The following CEP290 variants were observed in gnomAD, a reference collection of about 807,000 sequenced individuals.
The protein encoded by CEP290 is centrosomal protein 290, also known as centrosomal protein of 290 kDa.
Under a neutral mutation model 344.9 loss-of-function variants are expected in CEP290, and 317 were observed. That is an observed-to-expected ratio of 0.92 (90% confidence interval 0.84 to 1.01). The LOEUF (loss-of-function observed/expected upper bound fraction) is 1.01, where lower values mean the gene tolerates loss of function less well. CEP290 is among the 50% of genes least tolerant of loss of function. CEP290 has a pLI of 0.00. For missense variants in CEP290, 2,754 were observed against 2,761.4 expected (o/e 1.00, Z 0.06); for synonymous variants, 932 against 895.8 (o/e 1.04, Z -0.72).
At chr12:88,085,941 A>G in intron 34 of CEP290, 98 bp downstream of exon 34, 1 of 1,100,322 alleles carries the variant, frequency 9.1e-7, no homozygotes, top group East Asian at 2.6e-5. Context: ...CAATAGATTC[A>G]TCATTCTATG....
rs1178720562 is a variant in CEP290, at chr12:88,084,872, A to G, written c.4438-20T>C. ...TAGTTTCTGCAATGATTAAATTATA[A>G]TAAATCATTAAAGTATCTTTTTCCC... is the stretch of plus-strand genomic sequence containing the variant. On this transcript the variant is annotated intron_variant, in intron 34 of 53. Transcript: ENST00000552810. 1 of 1,451,246 alleles carries G rather than the reference A, an allele frequency of 6.9e-7. No individual in the cohort carries two copies. The highest frequency in any genetic ancestry group is 2.5e-5 in the East Asian group (1 of 40,342). The allele number at this position is 1,451,246 out of a possible 1,614,324, so 89.9% of individuals were successfully genotyped here.
rs1050202680 is a variant in CEP290 at position 88,092,681 on chromosome 12, T to C, written c.3461A>G (p.Lys1154Arg). ...NEMELKVEVS[K>R]LREISDIARR... ...GGCTAAAATGCTTATATGCACTTAC[T>C]TTGACACTTCAACTTTTAGTTCCAT... The change falls in exon 29 of 54, where the codon AAA (lysine) becomes AGA (arginine). Residue 1154 changes from lysine (K) to arginine (R), a missense_variant and splice_region_variant. Lys to Arg is a conservative substitution (Grantham distance 26). Coordinates refer to ENST00000552810, the MANE Select transcript of CEP290 (RefSeq NM_025114.4). The C allele has an allele frequency of 6.2e-7, 1 of 1,608,054 alleles. No homozygotes were observed. The highest frequency in any genetic ancestry group is 1.3e-5 in the African/African-American group (1 of 74,718).
At chr12:88,092,855 G>C (rs375789222) in intron 28 of CEP290, 23 bp from the exon 29 acceptor site, 52 of 1,603,956 alleles carry the variant, frequency 3.2e-5, no homozygotes, top group Non-Finnish European at 4.2e-5. Flanking sequence ...AACAAAAAAT[G>C]TTCAGATACA....
At chr12:88,063,464 C>T (rs1351195011) in intron 45 of CEP290, among the ~76,000 whole-genome samples, 1 of 152,050 alleles carries the variant, frequency 6.6e-6, no homozygotes, top group African/African-American at 2.4e-5. Flanking sequence ...AAATATACCA[C>T]GCATCCTCCC....
chr12:88,141,440 T>A, intron 1 of CEP290, 106 bp from the exon 2 acceptor site: 1 of 525,164 alleles, frequency 1.9e-6, no homozygotes, highest in Non-Finnish European at 3.2e-6. Context: ...TTTCTGATGT[T>A]AGCAAAACAG....
At chr12:88,101,857 T>C (rs1170063889) in intron 26 of CEP290, among the ~76,000 whole-genome samples, 1 of 152,100 alleles carries the variant, frequency 6.6e-6, no homozygotes, top group Non-Finnish European at 1.5e-5. Context: ...TAATTTTCTA[T>C]AAAAAGTAAC....
chr12:88,109,964 T>C (rs1355723377), intron 22 of CEP290, among the ~76,000 whole-genome samples: 1 of 152,016 alleles, frequency 6.6e-6, no homozygotes, highest in Non-Finnish European at 1.5e-5. Flanking sequence ...AAAATAATAA[T>C]ATCACATACA....
intron 22 of CEP290, among the ~76,000 whole-genome samples, 171 bp from the exon 23 acceptor site, chr12:88,109,352 C>A (rs1168439022): frequency 1.3e-5 from 2 of 152,108 alleles, no homozygotes; most frequent in South Asian, 2.1e-4. Flanking sequence ...TAGTTTAAGG[C>A]ATAAAAAAAG....
Position 88,130,269 on chromosome 12 carries a change from T to C in CEP290, c.668A>G (p.Gln223Arg). Reference protein sequence around the residue: ...YELIQYLDEIQTLTEANEKIE... With the variant: ...YELIQYLDEIRTLTEANEKIE... ...TGAATTGACTTCTAGCCATTTTACC[T>C]GAATTTCATCAAGATATTGGATAAG... Residue 223 changes from glutamine (Q) to arginine (R), a missense_variant and splice_region_variant, in exon 9 of 54, where the codon CAG becomes CGG. Physicochemically the swap from Gln to Arg is conservative, Grantham distance 43 (BLOSUM62 1). Coordinates refer to ENST00000552810, the MANE Select transcript of CEP290 (RefSeq NM_025114.4). 1 of 1,596,810 alleles carries C rather than the reference T, an allele frequency of 6.3e-7. No individual in the cohort carries two copies. Among genetic ancestry groups the C allele is most frequent in the Non-Finnish European group, 8.5e-7 (1 of 1,175,434 alleles).
intron 3 of CEP290, among the ~76,000 whole-genome samples, 167 bp from the exon 4 acceptor site, chr12:88,139,731 GT>G (rs1006908440): frequency 1.3e-5 from 2 of 151,802 alleles, no homozygotes; most frequent in Non-Finnish European, 2.9e-5. Flanking sequence ...TTTTGTTTTT[GT>G]TTTTTTTGCT....
intron 6 of CEP290, among the ~76,000 whole-genome samples, chr12:88,134,341 A>T (rs1565921979): frequency 1.3e-5 from 2 of 152,200 alleles, no homozygotes; most frequent in South Asian, 4.1e-4. Flanking sequence ...TTTCTCAGGC[A>T]AATGCCATCA....
intron 44 of CEP290, 116 bp downstream of exon 44, chr12:88,068,406 A>G (rs2035102013): frequency 8.2e-6 from 5 of 609,942 alleles, no homozygotes; most frequent in Non-Finnish European, 1.3e-5. Flanking sequence ...AATTTACTGT[A>G]TTACTATTAA....
intron 26 of CEP290, among the ~76,000 whole-genome samples, chr12:88,099,700 T>C (rs183833471): frequency 1.3e-5 from 2 of 152,198 alleles, no homozygotes; most frequent in Non-Finnish European, 2.9e-5. Context: ...TAATAATATA[T>C]TTTTTAAGTA....
chr12:88,078,023 G>C, intron 39 of CEP290, 105 bp from the exon 40 acceptor site: 1 of 422,878 alleles, frequency 2.4e-6, no homozygotes, highest in Non-Finnish European at 4.1e-6. Context: ...AATTCAGTCT[G>C]AATTTTTAAG....
In CEP290 at chr12:88,059,971, T is replaced by C. The variant is rs368428115; in HGVS notation, c.6572A>G (p.His2191Arg). The change falls in exon 48 of 54, where the codon CAC becomes CGC. Residue 2191 changes from histidine to arginine, a missense_variant. By Grantham distance (29) the His-to-Arg change is conservative. Transcript: ENST00000552810. ...TGTGCCTTTGGTCTTGGATTCATAGTGCATGCTCAACTGATGCCCAAGATG... is the reference window on the plus strand; with the variant it reads ...TGTGCCTTTGGTCTTGGATTCATAGCGCATGCTCAACTGATGCCCAAGATG... ...KAHLGHQLSM[H>R]YESKTKGTEK... is the part of the protein sequence containing the mutation. 2 of 1,587,194 alleles carry C rather than the reference T, an allele frequency of 1.3e-6. No individual in the cohort carries two copies. Among genetic ancestry groups the C allele is most frequent in the Non-Finnish European group, 1.7e-6 (2 of 1,166,560 alleles).
chr12:88,076,273 A>C (rs1242788069), intron 41 of CEP290, among the ~76,000 whole-genome samples: 1 of 152,182 alleles, frequency 6.6e-6, no homozygotes, highest in Non-Finnish European at 1.5e-5. Flanking sequence ...CACTGACATT[A>C]ATGAATTTTC....
chr12:88,139,606 G>T, intron 3 of CEP290, 42 bp from the exon 4 acceptor site: 1 of 1,350,430 alleles, frequency 7.4e-7, no homozygotes, highest in Non-Finnish European at 9.8e-7. Flanking sequence ...CCTTTATACT[G>T]GAATGTAAGC....
intron 52 of CEP290, among the ~76,000 whole-genome samples, chr12:88,052,628 CATATATAT>C (rs920379363): frequency 6.6e-6 from 1 of 151,304 alleles, no homozygotes; most frequent in African/African-American, 2.5e-5. Flanking sequence ...TACAGACATG[CATATATAT>C]ACATACACGC....
Position 88,141,271 on chromosome 12 carries a change from C to A in CEP290, c.37G>T (p.Val13Phe). ...TGACGGGGCAGGTCATCTGGGTCAA[C>A]TTTCATTATTTCTTTCCAGTTTATA... ...PNINWKEIMK[V>F]DPDDLPRQEE... The change falls in exon 2 of 54, where the codon GTT becomes TTT. Residue 13 changes from valine to phenylalanine, a missense_variant. Val to Phe is a conservative substitution (Grantham distance 50). Coordinates refer to ENST00000552810, the MANE Select transcript of CEP290 (RefSeq NM_025114.4). The A allele has an allele frequency of 6.2e-7, 1 of 1,610,992 alleles. No homozygotes were observed. The highest frequency in any genetic ancestry group is 1.1e-5 in the South Asian group (1 of 90,100).
Sources: gnomAD v4.1 joint callset for allele counts (sites outside exome capture counted in the v4.1 genomes callset) on GRCh38, gnomAD v4.1.1 for gene constraint, MANE v1.5 for transcripts, NCBI Gene and HGNC (gene_info 2026-07-23, HGNC 2026-07-21) for gene names.